Variants in ABLIM2 observed in about 807,000 individuals in gnomAD.
ABLIM2 encodes the protein actin binding LIM protein family member 2, also known as actin-binding LIM protein 2.
ABLIM2 carries 53 observed loss-of-function variants against 97.7 expected under a neutral mutation model. The ratio of observed to expected loss-of-function variants is 0.54; its 90% CI spans 0.44 to 0.68. The LOEUF (loss-of-function observed/expected upper bound fraction) is 0.68. Among genes scored for constraint, ABLIM2 ranks in the 30% least tolerant of loss-of-function variants. The pLI, the probability that ABLIM2 is intolerant of heterozygous loss-of-function variation, is 0.00. For missense variants in ABLIM2, 835 were observed against 867.2 expected (o/e 0.96, Z 0.47); for synonymous variants, 361 against 345.8 (o/e 1.04, Z -0.49).
In ABLIM2 at chr4:8,071,795, C is replaced by A; in HGVS notation, c.675+5833G>T. 1 of 985,496 alleles carries A rather than the reference C, an allele frequency of 1.0e-6. No individual in the cohort carries two copies. Among genetic ancestry groups the A allele is most frequent in the African/African-American group, 1.7e-5 (1 of 57,336 alleles). The allele number at this position is 985,496 out of a possible 1,614,324, so 61.0% of individuals were successfully genotyped here. ...TGCACAGCTTCTGGGCACCAGAGCC[C>A]AGTCTGACGGCCCTGCTTGAGTGCC... On this transcript the variant is annotated intron_variant, in intron 6 of 20. Transcript: ENST00000447017. This position sits in a 1 kb window ranked among gnomAD's most constrained non-coding sequence, Gnocchi z 6.2.
At position 7,998,042 on chromosome 4, in the gene ABLIM2, C is replaced by A. The variant is rs183422844; in HGVS notation, c.1619-5115G>T. ...GATTACAGGAATGTGCCACCATGCCCGGCTGATTTTGTATTTTTAGTAGAG... is the reference window on the plus strand; with the variant it reads ...GATTACAGGAATGTGCCACCATGCCAGGCTGATTTTGTATTTTTAGTAGAG... On this transcript the variant is annotated intron_variant, in intron 16 of 20. Transcript: ENST00000447017. This position sits in a 1 kb window ranked among gnomAD's most constrained non-coding sequence, Gnocchi z 6.4. 1.7e-4 allele frequency among the ~76,000 whole-genome samples: 26 copies of A among 152,054 alleles called. No homozygotes were observed. In the East Asian group the frequency reaches 4.6e-3, roughly 27 times the overall value.
intron 17 of ABLIM2, among the ~76,000 whole-genome samples, chr4:7,985,800 T>TA (rs1418743030): frequency 4.6e-5 from 7 of 152,348 alleles, no homozygotes; most frequent in African/African-American, 1.7e-4. Flanking sequence ...TCTGCCATTT[T>TA]AGCGCATTGA....
At chr4:7,983,745 C>A (rs1740951958) in intron 18 of ABLIM2, among the ~76,000 whole-genome samples, 191 bp from the exon 19 acceptor site, 2 of 147,918 alleles carry the variant, frequency 1.4e-5, no homozygotes, top group South Asian at 4.1e-4. Context: ...CTGAGGGCCT[C>A]CCCCGGGAAA....
intron 16 of ABLIM2, among the ~76,000 whole-genome samples, chr4:7,995,465 C>G (rs1311738181): frequency 6.6e-6 from 1 of 152,232 alleles, no homozygotes; most frequent in Non-Finnish European, 1.5e-5. Context: ...TGCCCACCCG[C>G]TCTCTCCGGG....
At chr4:8,153,664 G>C (rs949933146) in intron 1 of ABLIM2, among the ~76,000 whole-genome samples, 2 of 152,234 alleles carry the variant, frequency 1.3e-5, no homozygotes, top group Non-Finnish European at 2.9e-5. Context: ...CTGCAGAACG[G>C]AATCGCCGGG....
At position 8,043,983 on chromosome 4, in the gene ABLIM2, G is replaced by A; in HGVS notation, c.900+1181C>T. ...AAGCTTCAGAGTGCACATCCCAAGCGCCACAGTGCCACTCACTCTCCAGGC... is the reference window on the plus strand; with the variant it reads ...AAGCTTCAGAGTGCACATCCCAAGCACCACAGTGCCACTCACTCTCCAGGC... On this transcript the variant is annotated intron_variant, in intron 9 of 20. Coordinates refer to ENST00000447017, the MANE Select transcript of ABLIM2 (RefSeq NM_001130083.2). The surrounding 1 kb of genome is among the most constrained non-coding windows in gnomAD (Gnocchi z 4.8). Among the ~76,000 whole-genome samples, 1 of 152,116 alleles carries A rather than the reference G, an allele frequency of 6.6e-6. No homozygotes were observed.
intron 3 of ABLIM2, among the ~76,000 whole-genome samples, chr4:8,094,992 T>C (rs1358271733): frequency 8.0e-6 from 1 of 124,584 alleles, no homozygotes; most frequent in African/African-American, 4.0e-5. Flanking sequence ...TTCTCTTTCT[T>C]TTCCTTTTTC....
intron 1 of ABLIM2, among the ~76,000 whole-genome samples, chr4:8,115,235 C>A (rs1454144875): frequency 6.6e-6 from 1 of 152,218 alleles, no homozygotes; most frequent in Non-Finnish European, 1.5e-5. Context: ...GGGATGTCAT[C>A]CACCCTGGCC....
chr4:8,133,074 C>G (rs982775584), intron 1 of ABLIM2, among the ~76,000 whole-genome samples: 2 of 152,194 alleles, frequency 1.3e-5, no homozygotes, highest in African/African-American at 4.8e-5. Context: ...CTTCCCGCTT[C>G]TGCTGGCAGC....
intron 8 of ABLIM2, among the ~76,000 whole-genome samples, chr4:8,050,604 AGGTTGATGCT>A (rs1396619772): frequency 6.6e-6 from 1 of 152,174 alleles, no homozygotes; most frequent in Admixed American, 6.5e-5. Context: ...AAAACAAGTG[AGGTTGATGCT>A]GCCGGGAGCC....
In ABLIM2 at chr4:8,058,559, T is replaced by G. The variant is rs1469341994; in HGVS notation, c.763+2408A>C. ...TGTGGCTAAAGAGATGAAGTCACAA[T>G]AGCAGACCTGTCCTCGCCGGGGCCC... On this transcript the variant is annotated intron_variant, in intron 7 of 20. Transcript: ENST00000447017. This position sits in a 1 kb window ranked among gnomAD's most constrained non-coding sequence, Gnocchi z 4.2. 6.6e-6 allele frequency among the ~76,000 whole-genome samples: 1 copy of G among 152,168 alleles called. No individual in the cohort carries two copies. Among genetic ancestry groups the G allele is most frequent in the Non-Finnish European group, 1.5e-5 (1 of 68,014 alleles).
rs1266173207 is a variant in ABLIM2, at chr4:8,001,235, C to T, written c.1618+6824G>A. 6.6e-6 allele frequency among the ~76,000 whole-genome samples: 1 copy of T among 152,162 alleles called. No homozygotes were observed. The highest frequency in any genetic ancestry group is 1.5e-5 in the Non-Finnish European group (1 of 68,018). On this transcript the variant is annotated intron_variant, in intron 16 of 20. Coordinates refer to ENST00000447017, the MANE Select transcript of ABLIM2 (RefSeq NM_001130083.2). This position sits in a 1 kb window ranked among gnomAD's most constrained non-coding sequence, Gnocchi z 4.2. Reference sequence around the variant, plus strand: ...GGGCCCAGGCAGCATTGGAGGAGGACAGAGGAGGCCCTGGGGCTGTGGCTA... The same window carrying T: ...GGGCCCAGGCAGCATTGGAGGAGGATAGAGGAGGCCCTGGGGCTGTGGCTA...
rs1330881319 is a variant in ABLIM2 at position 8,127,272 on chromosome 4, G to A, written c.11-20635C>T. Among the ~76,000 whole-genome samples, 4 of 152,240 alleles carry A rather than the reference G, an allele frequency of 2.6e-5. No homozygotes were observed. Among genetic ancestry groups the A allele is most frequent in the Middle Eastern group, 3.4e-3 (1 of 294 alleles). On this transcript the variant is annotated intron_variant, in intron 1 of 20. Transcript: ENST00000447017. The surrounding 1 kb of genome is among the most constrained non-coding windows in gnomAD (Gnocchi z 7.3). Reference sequence around the variant, plus strand: ...TGTGAGGTTGGATCAGACTCTTCCCGTCCCCAGCCTTAGCTGACCTGTACA... The same window carrying A: ...TGTGAGGTTGGATCAGACTCTTCCCATCCCCAGCCTTAGCTGACCTGTACA...
chr4:8,091,120 C>T (rs1827103657), intron 3 of ABLIM2, among the ~76,000 whole-genome samples: 2 of 150,198 alleles, frequency 1.3e-5, no homozygotes, highest in African/African-American at 4.9e-5. Context: ...TCTGGCTTCA[C>T]ATCCTCACCA....
In ABLIM2 at chr4:8,020,188, G is replaced by A; in HGVS notation, c.1369+14C>T. On this transcript the variant is annotated intron_variant, in intron 13 of 20. Transcript: ENST00000447017. ...TCAGTGTAAGGAGCCCAGCCAGCGT[G>A]TCCCGGAGCCTACCTGGGACGTGGA... The A allele has an allele frequency of 1.9e-6, 3 of 1,609,940 alleles. No homozygotes were observed. Among genetic ancestry groups the A allele is most frequent in the Non-Finnish European group, 2.5e-6 (3 of 1,177,608 alleles).
chr4:8,121,262 A>G (rs1462853756), intron 1 of ABLIM2, among the ~76,000 whole-genome samples: 1 of 152,162 alleles, frequency 6.6e-6, no homozygotes, highest in East Asian at 1.9e-4. Context: ...GCTTCCTTCC[A>G]GGGGCAGAGC....
At chr4:8,092,496 G>A (rs1169347393) in intron 3 of ABLIM2, among the ~76,000 whole-genome samples, 2 of 152,190 alleles carry the variant, frequency 1.3e-5, no homozygotes, top group African/African-American at 4.8e-5. Context: ...AATGTAAAAT[G>A]TAGATTTACA....
At position 8,029,727 on chromosome 4, in the gene ABLIM2, C is replaced by G. The variant is rs1440907740; in HGVS notation, c.1097G>C (p.Ser366Thr). 3.2e-6 allele frequency: 5 copies of G among 1,556,986 alleles called. No individual in the cohort carries two copies. The Admixed American group carries it at 9.7e-5, about 30-fold the overall frequency. ...CCCGAGGCTAACCGACCCAGTGGAGCTTGGGCTGGAGGTCCGACACTGCTT... is the reference window on the plus strand; with the variant it reads ...CCCGAGGCTAACCGACCCAGTGGAGGTTGGGCTGGAGGTCCGACACTGCTT... ...SYKQCRTSSPSSTGSVSLGRY... is the reference protein window; with the variant it reads ...SYKQCRTSSPTSTGSVSLGRY... The change falls in exon 11 of 21, where the codon AGC becomes ACC. Residue 366 changes from serine (S) to threonine (T), a missense_variant. By Grantham distance (58) the Ser-to-Thr change is moderately conservative (BLOSUM62 1). Transcript: ENST00000447017.
chr4:7,966,977 A>G lies in ABLIM2; in HGVS notation c.*13T>C, dbSNP rs763270522. 6 of 1,593,698 alleles carry G rather than the reference A, an allele frequency of 3.8e-6. No homozygotes were observed. Among genetic ancestry groups the G allele is most frequent in the Non-Finnish European group, 8.6e-7 (1 of 1,166,948 alleles). On this transcript the variant is annotated 3_prime_UTR_variant, in exon 21 of 21. Coordinates refer to ENST00000447017, the MANE Select transcript of ABLIM2 (RefSeq NM_001130083.2). The stretch of plus-strand genomic sequence containing the variant: ...GGCGCCCGGCACACACCAGTGGGGC[A>G]GGCTGGCAGCCGTCAGAACAAAAGG...
Sources: allele counts gnomAD v4.1 joint callset (sites outside exome capture counted in the v4.1 genomes callset), GRCh38; gene constraint gnomAD v4.1.1; non-coding constraint Gnocchi (gnomAD v3.1); transcripts MANE v1.5; gene names NCBI Gene and HGNC (gene_info 2026-07-23, HGNC 2026-07-21).